The following CHRM5 variants were observed in gnomAD, a reference collection of about 807,000 sequenced individuals.
The protein encoded by CHRM5 is cholinergic receptor muscarinic 5, also known as muscarinic acetylcholine receptor M5.
Under a neutral mutation model 39.0 loss-of-function variants are expected in CHRM5, and 18 were observed. The observed-to-expected ratio is 0.46, with a 90% CI of 0.32 to 0.68. The LOEUF (loss-of-function observed/expected upper bound fraction) is 0.68, where lower values mean the gene tolerates loss of function less well. Ranked by LOEUF, CHRM5 falls within the 30% of genes least tolerant of loss-of-function variation. The pLI is 0.04. For missense variants in CHRM5, 515 were observed against 651.1 expected (o/e 0.79, Z 2.28); for synonymous variants, 241 against 246.3 (o/e 0.98, Z 0.20).
intron 1 of CHRM5, among the ~76,000 whole-genome samples, chr15:34,025,900 A>C (rs537359600): frequency 1.2e-3 from 189 of 152,318 alleles, no homozygotes; most frequent in African/African-American, 4.4e-3. Flanking sequence ...ATACCACATA[A>C]TCTCACCACC....
intron 2 of CHRM5, among the ~76,000 whole-genome samples, chr15:34,048,127 C>A (rs1042539636): frequency 6.6e-6 from 1 of 152,238 alleles, no homozygotes; most frequent in Non-Finnish European, 1.5e-5. Flanking sequence ...CCACTTGCCT[C>A]GGCTTTCCAA....
At position 34,022,993 on chromosome 15, in the gene CHRM5, T is replaced by C. The variant is rs973509191; in HGVS notation, c.-407-23547T>C. ...ACAAGGTCAGGAGTTCAAGACTAGC[T>C]TGGCCAACATGGTGAAACCCCCATC... On this transcript the variant is annotated intron_variant, in intron 1 of 2. Coordinates refer to ENST00000383263, the MANE Select transcript of CHRM5 (RefSeq NM_012125.4). Among the ~76,000 whole-genome samples the C allele has an allele frequency of 3.9e-5, 6 of 152,104 alleles. No homozygotes were observed. The South Asian group carries it at 8.3e-4, about 21-fold the overall frequency.
chr15:34,015,308 C>T (rs1897842198), intron 1 of CHRM5, among the ~76,000 whole-genome samples: 1 of 151,932 alleles, frequency 6.6e-6, no homozygotes, highest in African/African-American at 2.4e-5. Flanking sequence ...ACAGTGAAAC[C>T]CCACCTCTAC....
chr15:33,982,973 T>C (rs889777663), intron 1 of CHRM5, among the ~76,000 whole-genome samples: 1 of 150,492 alleles, frequency 6.6e-6, no homozygotes, highest in East Asian at 2.0e-4. Context: ...GTTGGGATAA[T>C]TTTTGAAAGA....
At chr15:33,990,252 C>A (rs1416554539) in intron 1 of CHRM5, among the ~76,000 whole-genome samples, 2 of 149,432 alleles carry the variant, frequency 1.3e-5, no homozygotes, top group African/African-American at 5.0e-5. Flanking sequence ...CGTTGAGGTG[C>A]GTGCCTATAG....
intron 1 of CHRM5, among the ~76,000 whole-genome samples, chr15:33,983,798 A>C (rs1315998421): frequency 6.6e-6 from 1 of 152,110 alleles, no homozygotes; most frequent in East Asian, 1.9e-4. Flanking sequence ...ACTAAGAGTA[A>C]CTAAGTGATC....
At chr15:33,974,302 T>C (rs58922383) in intron 1 of CHRM5, among the ~76,000 whole-genome samples, 6,056 of 152,266 alleles carry the variant, frequency 0.04, 426 homozygotes, top group African/African-American at 0.14. Flanking sequence ...ACACTTAAAA[T>C]CTTACATTTA....
At chr15:33,978,155 C>T (rs964887151) in intron 1 of CHRM5, among the ~76,000 whole-genome samples, 1 of 152,050 alleles carries the variant, frequency 6.6e-6, no homozygotes, top group African/African-American at 2.4e-5. Context: ...GATCCAAGTA[C>T]ATGAAGAAAG....
At chr15:33,977,739 G>A (rs941874199) in intron 1 of CHRM5, among the ~76,000 whole-genome samples, 2 of 152,014 alleles carry the variant, frequency 1.3e-5, no homozygotes, top group African/African-American at 4.8e-5. Flanking sequence ...CTCAGAGCAA[G>A]TAAGTCCTCC....
At chr15:34,047,901 C>T (rs1899770960) in intron 2 of CHRM5, among the ~76,000 whole-genome samples, 1 of 152,172 alleles carries the variant, frequency 6.6e-6, no homozygotes, top group African/African-American at 2.4e-5. Context: ...ATGAGGGGCT[C>T]TCCACACCAG....
chr15:34,023,538 A>G (rs1458842992), intron 1 of CHRM5, among the ~76,000 whole-genome samples: 1 of 152,052 alleles, frequency 6.6e-6, no homozygotes, highest in African/African-American at 2.4e-5. Flanking sequence ...TTCTTGCAAA[A>G]CCTGAGATTC....
At chr15:34,039,132 G>T in intron 1 of CHRM5, 1 of 1,031,916 alleles carries the variant, frequency 9.7e-7, no homozygotes, top group South Asian at 4.6e-5. Context: ...CCGCACGGAG[G>T]AGCCGCGAGC....
At chr15:34,055,582 A>ACT (rs1900110249) in intron 2 of CHRM5, among the ~76,000 whole-genome samples, 1 of 151,966 alleles carries the variant, frequency 6.6e-6, no homozygotes, top group Admixed American at 6.6e-5. Context: ...TGGGCGGATC[A>ACT]TGAGGTCAGG....
In CHRM5 at chr15:34,055,133, G is replaced by A. The variant is rs543119187; in HGVS notation, c.-75-7510G>A. 1.3e-3 allele frequency among the ~76,000 whole-genome samples: 202 copies of A among 150,152 alleles called. 1 individual carries two copies. Among genetic ancestry groups the A allele is most frequent in the Middle Eastern group, 7.1e-3 (2 of 280 alleles). ...CTTGAACCCGGGAGGCGGCGATTGC[G>A]GTGAGCCGAGATCACACCATTGCAC... On this transcript the variant is annotated intron_variant, in intron 2 of 2. Transcript: ENST00000383263.
chr15:33,972,246 G>C (rs1432718220), intron 1 of CHRM5: 1 of 152,034 alleles, frequency 6.6e-6, no homozygotes, highest in African/African-American at 2.4e-5. Context: ...AGTCATGAAA[G>C]AGGCCCCTAG....
At chr15:34,048,212 C>G (rs1399467349) in intron 2 of CHRM5, among the ~76,000 whole-genome samples, 2 of 152,242 alleles carry the variant, frequency 1.3e-5, no homozygotes, top group Admixed American at 6.5e-5. Context: ...ATCCATTCCT[C>G]CTCACTGGGT....
At chr15:34,022,262 A>G (rs1898234808) in intron 1 of CHRM5, among the ~76,000 whole-genome samples, 1 of 152,236 alleles carries the variant, frequency 6.6e-6, no homozygotes, top group Admixed American at 6.5e-5. Flanking sequence ...ATGGAGAAAT[A>G]AGAAAACATT....
chr15:34,004,146 A>G (rs1253643460), intron 1 of CHRM5, among the ~76,000 whole-genome samples: 1 of 152,214 alleles, frequency 6.6e-6, no homozygotes, highest in East Asian at 1.9e-4. Context: ...CCTAGAAAAA[A>G]GCTAGCACAA....
chr15:33,995,877 C>T (rs1047283409), intron 1 of CHRM5, among the ~76,000 whole-genome samples: 10 of 152,212 alleles, frequency 6.6e-5, no homozygotes, highest in Non-Finnish European at 1.3e-4. Flanking sequence ...CGGGGCGGGG[C>T]GCTGCCTCAC....
Sources: gnomAD v4.1 joint callset for allele counts (sites outside exome capture counted in the v4.1 genomes callset) on GRCh38, gnomAD v4.1.1 for gene constraint, MANE v1.5 for transcripts, NCBI Gene and HGNC (gene_info 2026-07-23, HGNC 2026-07-21) for gene names.